The following MYO5B variants were observed in gnomAD, a reference collection of about 807,000 sequenced individuals.
MYO5B encodes unconventional myosin-Vb.
A neutral mutation model predicts 229.3 loss-of-function variants in MYO5B; 143 were observed. That is an observed-to-expected ratio of 0.62 (90% CI 0.54 to 0.72). MYO5B has a LOEUF of 0.72. Among genes scored for constraint, MYO5B ranks in the 30% least tolerant of loss-of-function variants. MYO5B has a pLI of 0.00. For missense variants in MYO5B, 2,321 were observed against 2,331.0 expected (o/e 1.00, Z 0.09); for synonymous variants, 918 against 885.2 (o/e 1.04, Z -0.66).
intron 5 of MYO5B, among the ~76,000 whole-genome samples, chr18:49,999,299 G>T (rs1598941792): frequency 6.6e-6 from 1 of 152,218 alleles, no homozygotes; most frequent in Admixed American, 6.5e-5. Flanking sequence ...AGAACATGAG[G>T]TTAATTGTGG....
At chr18:49,865,350 TC>T (rs1224411669) in intron 27 of MYO5B, among the ~76,000 whole-genome samples, 1 of 152,134 alleles carries the variant, frequency 6.6e-6, no homozygotes, top group Non-Finnish European at 1.5e-5. Flanking sequence ...TGTGGTGATT[TC>T]CAGAAGATTT....
chr18:49,849,090 A>G (rs974677017), intron 32 of MYO5B, among the ~76,000 whole-genome samples: 2 of 152,006 alleles, frequency 1.3e-5, no homozygotes, highest in Non-Finnish European at 2.9e-5. Flanking sequence ...TGCAGCAGGG[A>G]GTCAGAGGGA....
chr18:49,878,222 T>C (rs1439971947), intron 24 of MYO5B, among the ~76,000 whole-genome samples: 1 of 152,152 alleles, frequency 6.6e-6, no homozygotes, highest in African/African-American at 2.4e-5. Flanking sequence ...AAAGGAATGT[T>C]CCACACCTGC....
At chr18:50,164,778 T>C in intron 1 of MYO5B, among the ~76,000 whole-genome samples, 1 of 152,194 alleles carries the variant, frequency 6.6e-6, no homozygotes, top group East Asian at 1.9e-4. Flanking sequence ...GTGTGTGTTG[T>C]TCCCCTCCCT....
At chr18:49,971,670 G>GAGTAGCA (rs1204154961) in intron 10 of MYO5B, among the ~76,000 whole-genome samples, 1 of 152,202 alleles carries the variant, frequency 6.6e-6, no homozygotes, top group Non-Finnish European at 1.5e-5. Flanking sequence ...TCAGACCATT[G>GAGTAGCA]AGTAGCATGC....
At chr18:49,978,742 CACAA>C (rs1044821729) in intron 9 of MYO5B, among the ~76,000 whole-genome samples, 4 of 127,240 alleles carry the variant, frequency 3.1e-5, no homozygotes, top group East Asian at 2.4e-4. Flanking sequence ...CACACACACA[CACAA>C]AATGCTCAGC....
At chr18:50,000,885 G>A (rs1193988337) in intron 5 of MYO5B, among the ~76,000 whole-genome samples, 1 of 152,128 alleles carries the variant, frequency 6.6e-6, no homozygotes, top group Non-Finnish European at 1.5e-5. Flanking sequence ...TTGCCTTTCT[G>A]ACCCAGCAGG....
intron 14 of MYO5B, among the ~76,000 whole-genome samples, chr18:49,940,093 T>C (rs773703494): frequency 2.6e-5 from 4 of 152,192 alleles, no homozygotes; most frequent in Non-Finnish European, 5.9e-5. Flanking sequence ...AAGGCTTTCA[T>C]ATCAACAGCA....
intron 16 of MYO5B, among the ~76,000 whole-genome samples, chr18:49,931,614 G>A (rs756255956): frequency 1.3e-5 from 2 of 152,166 alleles, no homozygotes; most frequent in Non-Finnish European, 2.9e-5. Flanking sequence ...TCACTCCAAT[G>A]CCTCCTGTGG....
At chr18:50,076,849 G>T (rs115086637) in intron 1 of MYO5B, among the ~76,000 whole-genome samples, 1,956 of 151,440 alleles carry the variant, frequency 0.013, 34 homozygotes, top group African/African-American at 0.045. Flanking sequence ...TAATTGTGAT[G>T]AAAACCAGTT....
In MYO5B at chr18:49,984,706, G is replaced by T. The variant is rs755669824; in HGVS notation, c.946+12C>A. ...CCTCGGGGCCTGCTTCCCCAACTAA[G>T]AAGCTCCTTACCGAGGAGTGTGAAG... On this transcript the variant is annotated intron_variant, in intron 8 of 39. Coordinates refer to ENST00000285039, the MANE Select transcript of MYO5B (RefSeq NM_001080467.3). 20 of 1,591,176 alleles carry T rather than the reference G, an allele frequency of 1.3e-5. No individual in the cohort carries two copies. Among genetic ancestry groups the T allele is most frequent in the Middle Eastern group, 1.7e-4 (1 of 6,008 alleles).
intron 36 of MYO5B, 60 bp downstream of exon 36, chr18:49,839,084 C>G (rs945787828): frequency 6.2e-7 from 1 of 1,602,646 alleles, no homozygotes; most frequent in Non-Finnish European, 8.5e-7. Flanking sequence ...GTGCTGACCA[C>G]GCCTTCCCCT....
At chr18:50,124,620 T>C (rs1246563680) in intron 1 of MYO5B, among the ~76,000 whole-genome samples, 1 of 152,192 alleles carries the variant, frequency 6.6e-6, no homozygotes, top group African/African-American at 2.4e-5. Context: ...GAAAGACATG[T>C]ATAGCCTGCA....
intron 18 of MYO5B, among the ~76,000 whole-genome samples, chr18:49,911,694 T>C (rs2024959521): frequency 6.6e-6 from 1 of 152,200 alleles, no homozygotes; most frequent in South Asian, 2.1e-4. Context: ...AGCCTGTAAG[T>C]GGCTCAGACC....
At position 49,906,330 on chromosome 18, in the gene MYO5B, A is replaced by G. The variant is rs183564898; in HGVS notation, c.2414+89T>C. ...CCAACAGGAACCACTCTCAGCACAG[A>G]GGAAGAGAGAAGCCAAGTAGCTGAG... On this transcript the variant is annotated intron_variant, in intron 19 of 39. Coordinates refer to ENST00000285039, the MANE Select transcript of MYO5B (RefSeq NM_001080467.3). 9.6e-4 allele frequency: 1,238 copies of G among 1,293,560 alleles called. 14 individuals are homozygous for G. Among genetic ancestry groups the G allele is most frequent in the Non-Finnish European group, 1.4e-4 (126 of 906,122 alleles). 80.1% of individuals were successfully genotyped at this position (1,293,560 alleles called of 1,614,324 possible). A position where few individuals can be genotyped will look rare whatever the true frequency, so the allele number is the denominator to read the frequency against.
intron 1 of MYO5B, among the ~76,000 whole-genome samples, chr18:50,130,475 A>G (rs1009984391): frequency 2.6e-5 from 4 of 152,266 alleles, no homozygotes; most frequent in African/African-American, 9.6e-5. Context: ...AGATGTACAC[A>G]CATGCGGTTC....
At chr18:49,945,625 A>G (rs1438426670) in intron 14 of MYO5B, among the ~76,000 whole-genome samples, 1 of 152,148 alleles carries the variant, frequency 6.6e-6, no homozygotes, top group Admixed American at 6.5e-5. Flanking sequence ...AACCTTATCC[A>G]GTAGCCACAT....
chr18:49,919,631 C>T (rs1367927746), intron 17 of MYO5B, among the ~76,000 whole-genome samples: 1 of 152,190 alleles, frequency 6.6e-6, no homozygotes, highest in African/African-American at 2.4e-5. Context: ...TACCTCTTCA[C>T]ACCCACCAGA....
intron 4 of MYO5B, among the ~76,000 whole-genome samples, chr18:50,008,163 T>C (rs2026122983): frequency 6.6e-6 from 1 of 152,210 alleles, no homozygotes; most frequent in Admixed American, 6.5e-5. Flanking sequence ...AAATATGTAT[T>C]GGGGTCATCA....
Sources: allele counts gnomAD v4.1 joint callset (sites outside exome capture counted in the v4.1 genomes callset), GRCh38; gene constraint gnomAD v4.1.1; transcripts MANE v1.5; gene names NCBI Gene and HGNC (gene_info 2026-07-23, HGNC 2026-07-21).